The following PLA2R1 variants were observed in gnomAD, a reference collection of about 807,000 sequenced individuals.
PLA2R1 encodes the protein phospholipase A2 receptor 1.
A neutral mutation model predicts 195.9 loss-of-function variants in PLA2R1; 158 were observed. The observed-to-expected ratio is 0.81, with a 90% CI of 0.71 to 0.92. The LOEUF (loss-of-function observed/expected upper bound fraction) is 0.92. Ranked by LOEUF, PLA2R1 falls within the 40% of genes least tolerant of loss-of-function variation. The probability of loss-of-function intolerance (pLI) is 0.00; values close to 1 mark genes in which losing one functional copy is unlikely to be tolerated. For missense variants in PLA2R1, 1,626 were observed against 1,764.6 expected, an observed-to-expected ratio of 0.92 and a Z score of 1.41; for synonymous variants, 586 against 598.2, an observed-to-expected ratio of 0.98 and a Z score of 0.30.
intron 20 of PLA2R1, among the ~76,000 whole-genome samples, chr2:159,962,861 C>T (rs1688542498): frequency 6.6e-6 from 1 of 152,110 alleles, no homozygotes; most frequent in Non-Finnish European, 1.5e-5. Context: ...GGGAGGGGAA[C>T]ATCACACACC....
At chr2:159,953,406 T>G (rs1466662103) in intron 23 of PLA2R1, among the ~76,000 whole-genome samples, 1 of 152,266 alleles carries the variant, frequency 6.6e-6, no homozygotes, top group Non-Finnish European at 1.5e-5. Context: ...AGAACTTGAA[T>G]ATTTATTGTT....
rs577961508 is a variant in PLA2R1 at position 160,053,064 on chromosome 2, C to A, written c.110-7907G>T. 7.9e-5 allele frequency among the ~76,000 whole-genome samples: 12 copies of A among 152,228 alleles called. No homozygotes were observed. The East Asian group carries it at 2.1e-3, about 27-fold the overall frequency. On this transcript the variant is annotated intron_variant, in intron 1 of 29. Transcript: ENST00000283243. ...GACAGAAATTTCTTTTCTCATAATTCTGGAGGCTGGAAGCGTGAGATTACA... is the reference window on the plus strand; with the variant it reads ...GACAGAAATTTCTTTTCTCATAATTATGGAGGCTGGAAGCGTGAGATTACA...
At chr2:160,027,067 T>A (rs1225321429) in intron 6 of PLA2R1, among the ~76,000 whole-genome samples, 2 of 152,070 alleles carry the variant, frequency 1.3e-5, no homozygotes, top group South Asian at 2.1e-4. Context: ...GAGGCGGAGG[T>A]TGCAGTGAGC....
downstream of PLA2R1, among the ~76,000 whole-genome samples, chr2:159,930,654 G>A (rs1487587522): frequency 6.6e-6 from 1 of 152,144 alleles, no homozygotes; most frequent in Non-Finnish European, 1.5e-5. Flanking sequence ...GAGATTTTTG[G>A]TGAACACGGA....
intron 20 of PLA2R1, among the ~76,000 whole-genome samples, chr2:159,958,116 T>C (rs770156386): frequency 6.6e-6 from 1 of 152,204 alleles, no homozygotes; most frequent in Non-Finnish European, 1.5e-5. Context: ...ATTCCCAGTG[T>C]TGAAGGTGAG....
chr2:159,929,097 G>A (rs1040113361), downstream of PLA2R1, among the ~76,000 whole-genome samples: 1 of 152,214 alleles, frequency 6.6e-6, no homozygotes, highest in Non-Finnish European at 1.5e-5. Flanking sequence ...CTTAGGCAAA[G>A]ACTTCATGAC....
intron 7 of PLA2R1, among the ~76,000 whole-genome samples, 175 bp from the exon 8 acceptor site, chr2:160,020,438 C>T (rs181121011): frequency 1.3e-5 from 2 of 152,196 alleles, no homozygotes; most frequent in African/African-American, 4.8e-5. Context: ...TTTCCCTTCC[C>T]TGCTATGGTT....
At chr2:160,004,710 G>T (rs1270996717) in intron 11 of PLA2R1, among the ~76,000 whole-genome samples, 1 of 152,178 alleles carries the variant, frequency 6.6e-6, no homozygotes. Flanking sequence ...AAGTAGAAGG[G>T]CTGTTGGGTC....
intron 1 of PLA2R1, among the ~76,000 whole-genome samples, chr2:160,056,346 C>T (rs1197865579): frequency 6.6e-6 from 1 of 152,018 alleles, no homozygotes; most frequent in African/African-American, 2.4e-5. Context: ...CAAAAGAGTC[C>T]CAAACTCTAC....
chr2:159,941,913 G>A lies in PLA2R1; in HGVS notation c.4257C>T (p.Cys1419=), dbSNP rs1406396145. ...VIVAICTLSF[C]IYKHNGGFFR... ...AGAAGCCACCGTTATGCTTGTATAT[G>A]CAGAAGGAAAGTGTGCAAATGGCCA... Residue 1419 remains cysteine (C), a synonymous_variant, in exon 30 of 30, where the codon TGC becomes TGT. Transcript: ENST00000283243. 5 of 1,613,592 alleles carry A rather than the reference G, an allele frequency of 3.1e-6. No homozygotes were observed. Among genetic ancestry groups the A allele is most frequent in the Admixed American group, 3.3e-5 (2 of 59,980 alleles).
chr2:159,942,215 T>C (rs1473985815), intron 28 of PLA2R1, 56 bp from the exon 29 acceptor site: 8 of 1,320,884 alleles, frequency 6.1e-6, no homozygotes, highest in African/African-American at 1.5e-5. Context: ...AGCAAAAATA[T>C]GTCATTACTT....
intron 27 of PLA2R1, chr2:159,946,036 G>A: frequency 1.0e-6 from 1 of 984,082 alleles, no homozygotes; most frequent in Non-Finnish European, 1.2e-6. Context: ...AGATTTTACA[G>A]TGAATTTCTT....
At chr2:159,930,146 CGCCGGTAA>C (rs1560117356), downstream of PLA2R1, among the ~76,000 whole-genome samples, 1 of 152,132 alleles carries the variant, frequency 6.6e-6, no homozygotes, top group Non-Finnish European at 1.5e-5. Context: ...CGGTGGCTCA[CGCCGGTAA>C]TCCCAGCACT....
intron 23 of PLA2R1, among the ~76,000 whole-genome samples, chr2:159,953,548 C>A (rs969403097): frequency 2.0e-5 from 3 of 152,254 alleles, no homozygotes; most frequent in Non-Finnish European, 4.4e-5. Flanking sequence ...GCTATTACCA[C>A]ATTTTGCAGA....
chr2:159,983,939 T>C lies in PLA2R1; in HGVS notation c.2172A>G (p.Ser724=). ...EENFVNELLH[S]KFNWTEERQF... is the part of the protein sequence containing the mutation. ...TAACAAGTATTTACCAATTAAATTT[T>C]GAATGTAAGAGCTCATTCACAAAAT... Residue 724 remains serine (S), a synonymous_variant, in exon 13 of 30, where the codon TCA becomes TCG. Transcript: ENST00000283243. 6.4e-7 allele frequency: 1 copy of C among 1,572,072 alleles called. No homozygotes were observed. The highest frequency in any genetic ancestry group is 2.2e-5 in the East Asian group (1 of 44,534).
chr2:160,015,075 C>T (rs1211628862), intron 9 of PLA2R1, among the ~76,000 whole-genome samples: 1 of 152,148 alleles, frequency 6.6e-6, no homozygotes, highest in Non-Finnish European at 1.5e-5. Flanking sequence ...TAATCAGAAA[C>T]ACAGACTTGT....
intron 20 of PLA2R1, among the ~76,000 whole-genome samples, chr2:159,961,977 A>T (rs57050559): frequency 0.027 from 4,093 of 152,314 alleles, 164 homozygotes; most frequent in African/African-American, 0.088. Flanking sequence ...GGCATGAGCA[A>T]AGACTTCATG....
In PLA2R1 at chr2:159,956,609, G is replaced by A. The variant is rs1196611421; in HGVS notation, c.2923C>T (p.Pro975Ser). Residue 975 changes from proline (P) to serine (S), a missense_variant, in exon 21 of 30, where the codon CCC becomes TCC. Pro to Ser is a moderately conservative substitution (Grantham distance 74). Transcript: ENST00000283243. ...FNYKCLLLNIPKDPSSWKNWT... is the reference protein window; with the variant it reads ...FNYKCLLLNISKDPSSWKNWT... The stretch of plus-strand genomic sequence containing the variant: ...TTCTTCCAACTGCTTGGGTCTTTGG[G>A]GATATTCAGCAGAAGGCACTATCAA... 1.2e-6 allele frequency: 2 copies of A among 1,607,340 alleles called. No homozygotes were observed. Among genetic ancestry groups the A allele is most frequent in the African/African-American group, 1.3e-5 (1 of 74,858 alleles).
rs781644809 is a variant in PLA2R1, at chr2:159,970,210, T to A, written c.2598A>T (p.Leu866=). The A allele has an allele frequency of 3.7e-6, 6 of 1,607,012 alleles. No homozygotes were observed. Among genetic ancestry groups the A allele is most frequent in the Non-Finnish European group, 5.1e-6 (6 of 1,175,708 alleles). ...QEFIHSKIKA[L]SKYGASWWIG... is the part of the protein sequence containing the mutation. ...TCCACCAACTTGCACCATACTTTGA[T>A]AGCTATTGAAAGAAAAAAAGTCAGC... is the stretch of plus-strand genomic sequence containing the variant. The change falls in exon 18 of 30, where the codon CTA becomes CTT. Residue 866 remains leucine, a splice_region_variant and synonymous_variant. Transcript: ENST00000283243.
Sources: gnomAD v4.1 joint callset for allele counts (sites outside exome capture counted in the v4.1 genomes callset) on GRCh38, gnomAD v4.1.1 for gene constraint, MANE v1.5 for transcripts, NCBI Gene and HGNC (gene_info 2026-07-23, HGNC 2026-07-21) for gene names.